The following ITGA9 variants were observed in gnomAD, a reference collection of about 807,000 sequenced individuals.
ITGA9 encodes integrin alpha-9.
In ITGA9, 56 loss-of-function variants were observed where a neutral mutation model predicts 127.8. That is an observed-to-expected ratio of 0.44 (90% CI 0.35 to 0.55). The LOEUF (loss-of-function observed/expected upper bound fraction) is 0.55. ITGA9 is among the 20% of genes least tolerant of loss of function. The probability of loss-of-function intolerance (pLI) is 0.00; values close to 1 mark genes in which losing one functional copy is unlikely to be tolerated. For missense variants in ITGA9, 1,196 were observed against 1,347.1 expected (o/e 0.89, Z 1.76); for synonymous variants, 508 against 514.5 (o/e 0.99, Z 0.17).
intron 1 of ITGA9, among the ~76,000 whole-genome samples, chr3:37,458,286 C>T (rs953549828): frequency 6.6e-6 from 1 of 152,104 alleles, no homozygotes; most frequent in Non-Finnish European, 1.5e-5. Context: ...TCACTGGGGG[C>T]TTGTGTCAGT....
intron 18 of ITGA9, 144 bp from the exon 19 acceptor site, chr3:37,732,568 G>A (rs766944313): frequency 1.8e-4 from 130 of 707,006 alleles, no homozygotes; most frequent in Non-Finnish European, 3.2e-4. Context: ...GAAGGGGGCT[G>A]GAGACGGCCT....
intron 15 of ITGA9, among the ~76,000 whole-genome samples, chr3:37,562,108 G>C (rs1699496756): frequency 6.6e-6 from 1 of 152,176 alleles, no homozygotes; most frequent in Non-Finnish European, 1.5e-5. Context: ...GGGCACTCGG[G>C]GCCGTGACAG....
intron 5 of ITGA9, among the ~76,000 whole-genome samples, chr3:37,496,338 T>G (rs1698727896): frequency 6.6e-6 from 1 of 152,208 alleles, no homozygotes; most frequent in Non-Finnish European, 1.5e-5. Flanking sequence ...TTCTATGCCC[T>G]GGGAATGGCA....
chr3:37,683,720 C>T, intron 17 of ITGA9, 145 bp from the exon 18 acceptor site: 1 of 809,182 alleles, frequency 1.2e-6, no homozygotes, highest in Non-Finnish European at 2.1e-6. Context: ...ACTGATTGCC[C>T]AAGGACACAT....
intron 13 of ITGA9, among the ~76,000 whole-genome samples, chr3:37,532,050 C>T (rs1699157654): frequency 1.3e-5 from 2 of 152,164 alleles, no homozygotes; most frequent in Admixed American, 6.5e-5. Flanking sequence ...GTAAGAGATC[C>T]ACTTTCCGAT....
intron 14 of ITGA9, among the ~76,000 whole-genome samples, chr3:37,541,111 A>T (rs9862163): frequency 0.23 from 34,892 of 152,138 alleles, 5,991 homozygotes; most frequent in African/African-American, 0.49. Context: ...GGCTGATCCC[A>T]TTGATGTCAT....
chr3:37,486,139 G>A (rs1698608107), intron 4 of ITGA9, among the ~76,000 whole-genome samples: 1 of 152,226 alleles, frequency 6.6e-6, no homozygotes, highest in Non-Finnish European at 1.5e-5. Flanking sequence ...CAAGAAGCCG[G>A]AACTTAGCAG....
intron 15 of ITGA9, among the ~76,000 whole-genome samples, chr3:37,544,898 G>A (rs569517756): frequency 1.1e-4 from 16 of 152,366 alleles, no homozygotes; most frequent in African/African-American, 3.8e-4. Flanking sequence ...TTATAACCAT[G>A]AGAATGTTTA....
At chr3:37,740,804 C>T (rs535013826) in intron 20 of ITGA9, among the ~76,000 whole-genome samples, 5 of 152,282 alleles carry the variant, frequency 3.3e-5, no homozygotes, top group East Asian at 1.9e-4. Context: ...CAAGAATCCC[C>T]GTTCTGTGCT....
chr3:37,633,735 G>A (rs1407938573), intron 16 of ITGA9, among the ~76,000 whole-genome samples: 1 of 152,178 alleles, frequency 6.6e-6, no homozygotes, highest in African/African-American at 2.4e-5. Context: ...TGATGGCTTA[G>A]CAGGCATGGT....
Position 37,603,761 on chromosome 3 carries a change from C to T in ITGA9, c.1690-25426C>T, listed in dbSNP as rs775735727. Among the ~76,000 whole-genome samples the T allele has an allele frequency of 5.3e-4, 80 of 152,196 alleles. 2 individuals are homozygous for T. Among genetic ancestry groups the T allele is most frequent in the Admixed American group, 3.3e-4 (5 of 15,284 alleles). The stretch of plus-strand genomic sequence containing the variant: ...TGTAACTCCTTTCACATATCTCTTC[C>T]CTTGCCAGAGGAAGGAACTGAGGCT... On this transcript the variant is annotated intron_variant, in intron 15 of 27. Coordinates refer to ENST00000264741, the MANE Select transcript of ITGA9 (RefSeq NM_002207.3).
chr3:37,538,528 A>G (rs1699234312), intron 14 of ITGA9, among the ~76,000 whole-genome samples: 1 of 152,256 alleles, frequency 6.6e-6, no homozygotes, highest in Non-Finnish European at 1.5e-5. Flanking sequence ...TCCCAGGGAC[A>G]GACAGGGGCT....
intron 23 of ITGA9, among the ~76,000 whole-genome samples, chr3:37,762,550 G>C (rs919364707): frequency 2.0e-5 from 3 of 152,132 alleles, no homozygotes; most frequent in Non-Finnish European, 4.4e-5. Flanking sequence ...ACTTGTAAAG[G>C]TGTCAGACTC....
chr3:37,612,880 A>G (rs1700036624), intron 15 of ITGA9, among the ~76,000 whole-genome samples: 1 of 152,088 alleles, frequency 6.6e-6, no homozygotes, highest in Non-Finnish European at 1.5e-5. Context: ...GGCTCTAAAA[A>G]TGGGGGCAAA....
At chr3:37,481,969 T>C (rs1698560461) in intron 4 of ITGA9, among the ~76,000 whole-genome samples, 1 of 152,214 alleles carries the variant, frequency 6.6e-6, no homozygotes, top group South Asian at 2.1e-4. Context: ...TTGGGAAACT[T>C]ACCTTCTCTC....
At chr3:37,606,423 AT>A (rs1371043736) in intron 15 of ITGA9, among the ~76,000 whole-genome samples, 10 of 152,256 alleles carry the variant, frequency 6.6e-5, no homozygotes, top group Non-Finnish European at 1.2e-4. Context: ...AGAAGAACTG[AT>A]TTTTAATATA....
At position 37,671,530 on chromosome 3, in the gene ITGA9, G is replaced by C. The variant is rs557870021; in HGVS notation, c.1917-12335G>C. Among the ~76,000 whole-genome samples the C allele has an allele frequency of 1.4e-4, 21 of 152,274 alleles. No homozygotes were observed. In the East Asian group the frequency reaches 3.7e-3, roughly 27 times the overall value. ...TAATTATCTGAATGTTGTTGCTAGG[G>C]AAACCACTATTTTGGCTCAGATCAT... On this transcript the variant is annotated intron_variant, in intron 17 of 27. Coordinates refer to ENST00000264741, the MANE Select transcript of ITGA9 (RefSeq NM_002207.3).
intron 19 of ITGA9, among the ~76,000 whole-genome samples, chr3:37,736,689 C>T (rs922587561): frequency 9.9e-5 from 15 of 152,056 alleles, no homozygotes; most frequent in African/African-American, 3.4e-4. Flanking sequence ...GCCTCGGTGG[C>T]GGAACAGGAG....
chr3:37,464,275 G>GT (rs1698347531), intron 1 of ITGA9, among the ~76,000 whole-genome samples: 1 of 120,170 alleles, frequency 8.3e-6, no homozygotes, highest in Non-Finnish European at 1.9e-5. Context: ...TATTTGTCAG[G>GT]GTTTTTTTTT....
Sources: gnomAD v4.1 joint callset for allele counts (sites outside exome capture counted in the v4.1 genomes callset) on GRCh38, gnomAD v4.1.1 for gene constraint, MANE v1.5 for transcripts, NCBI Gene and HGNC (gene_info 2026-07-23, HGNC 2026-07-21) for gene names.